Variants in STK33 observed in about 807,000 individuals in gnomAD.
STK33 encodes the protein serine/threonine kinase 33.
In STK33, 52 loss-of-function variants were observed where a neutral mutation model predicts 58.0. The ratio of observed to expected loss-of-function variants is 0.90; its 90% CI spans 0.72 to 1.13. The LOEUF is 1.13. Ranked by LOEUF, STK33 falls within the 50% of genes most tolerant of loss-of-function variation. STK33 has a pLI of 0.00. For synonymous variants in STK33, 215 were observed against 200.1 expected, an observed-to-expected ratio of 1.07 and a Z score of -0.63; for missense variants, 630 against 604.2, an observed-to-expected ratio of 1.04 and a Z score of -0.45.
At chr11:8,345,711 G>A in the STK33 span, among the ~76,000 whole-genome samples, 4 of 152,216 alleles carry the variant, frequency 2.6e-5, no homozygotes, top group African/African-American at 9.6e-5. Context: ...ATGCTGAAGG[G>A]TTCCCCACAG....
At chr11:8,564,622 TACTTTTTG>T (rs1957331664) in intron 1 of STK33, among the ~76,000 whole-genome samples, 1 of 152,164 alleles carries the variant, frequency 6.6e-6, no homozygotes, top group Non-Finnish European at 1.5e-5. Flanking sequence ...ACTTGGGAAA[TACTTTTTG>T]CAGTTAACCA....
intron 15 of STK33, among the ~76,000 whole-genome samples, chr11:8,409,178 T>A (rs1341424800): frequency 6.6e-6 from 1 of 152,156 alleles, no homozygotes; most frequent in Admixed American, 6.5e-5. Context: ...ACTGCAAAAA[T>A]CTCAGTATCT....
At chr11:8,365,335 C>A in the STK33 span, among the ~76,000 whole-genome samples, 1 of 152,180 alleles carries the variant, frequency 6.6e-6, no homozygotes, top group Non-Finnish European at 1.5e-5. Context: ...CTGACGGGGA[C>A]CTTCCCTCCC....
chr11:8,398,412 G>T (rs990684540), intron 15 of STK33, among the ~76,000 whole-genome samples: 1 of 152,176 alleles, frequency 6.6e-6, no homozygotes, highest in African/African-American at 2.4e-5. Context: ...AGCAAATGCT[G>T]AGAGATTTTG....
intron 6 of STK33, among the ~76,000 whole-genome samples, chr11:8,470,572 C>G (rs1948682405): frequency 6.6e-6 from 1 of 152,218 alleles, no homozygotes; most frequent in African/African-American, 2.4e-5. Context: ...AGAGGCCTAG[C>G]TTTCAGCCTA....
chr11:8,556,870 A>G (rs546672597), intron 1 of STK33, among the ~76,000 whole-genome samples: 1 of 152,300 alleles, frequency 6.6e-6, no homozygotes, highest in East Asian at 1.9e-4. Flanking sequence ...GAAGAGAAGA[A>G]CAGATTTTAG....
chr11:8,523,400 A>G (rs71474991), intron 1 of STK33, among the ~76,000 whole-genome samples: 39,406 of 150,074 alleles, frequency 0.26, 5,268 homozygotes, highest in African/African-American at 0.33. Flanking sequence ...GCCTCTGCCC[A>G]GCCGCAACCC....
rs547743349 is a variant in STK33, at chr11:8,401,128, A to C, written c.1345-8418T>G. The stretch of plus-strand genomic sequence containing the variant: ...AATTGGAAAAAACTGCTTTAAAGTT[A>C]ATATGGAACCAAAAAAGAGCCCACA... On this transcript the variant is annotated intron_variant, in intron 15 of 15. Transcript: ENST00000687296. Among the ~76,000 whole-genome samples the C allele has an allele frequency of 9.9e-3, 1,506 of 152,162 alleles. 21 individuals are homozygous for C. The highest frequency in any genetic ancestry group is 0.034 in the African/African-American group (1,398 of 41,484).
intron 14 of STK33, among the ~76,000 whole-genome samples, chr11:8,416,471 G>A (rs537318821): frequency 6.6e-6 from 1 of 152,220 alleles, no homozygotes; most frequent in East Asian, 1.9e-4. Context: ...GAGTTATTAA[G>A]ATTTTGACAA....
chr11:8,374,263 C>T, the STK33 span, among the ~76,000 whole-genome samples: 1,269 of 152,318 alleles, frequency 8.3e-3, 14 homozygotes, highest in African/African-American at 0.021. Context: ...GCTCAGGCCC[C>T]TCCCTAGCTC....
At chr11:8,343,840 T>A in the STK33 span, among the ~76,000 whole-genome samples, 1 of 151,994 alleles carries the variant, frequency 6.6e-6, no homozygotes, top group Non-Finnish European at 1.5e-5. Flanking sequence ...TGGCCTCAGC[T>A]CTCACCCCTC....
At chr11:8,574,023 G>C (rs1591854455) in intron 1 of STK33, among the ~76,000 whole-genome samples, 1 of 152,168 alleles carries the variant, frequency 6.6e-6, no homozygotes, top group Non-Finnish European at 1.5e-5. Flanking sequence ...GGTTACACAA[G>C]ACCTGCCTTG....
chr11:8,578,595 G>C (rs1958348237), intron 1 of STK33, among the ~76,000 whole-genome samples: 1 of 150,950 alleles, frequency 6.6e-6, no homozygotes, highest in Non-Finnish European at 1.5e-5. Flanking sequence ...GTACATTTTT[G>C]TACGTGTAAT....
intron 7 of STK33, among the ~76,000 whole-genome samples, chr11:8,462,442 T>TATAC (rs1554950207): frequency 3.9e-5 from 5 of 128,328 alleles, no homozygotes; most frequent in Middle Eastern, 3.5e-3. Context: ...TATACATATA[T>TATAC]ACACACACAC....
Position 8,497,937 on chromosome 11 carries a change from T to G in STK33, c.-465-17323A>C, listed in dbSNP as rs140533504. Among the ~76,000 whole-genome samples the G allele has an allele frequency of 3.1e-3, 475 of 152,244 alleles. 3 individuals carry two copies. Among genetic ancestry groups the G allele is most frequent in the African/African-American group, 0.011 (456 of 41,546 alleles). Reference sequence around the variant, plus strand: ...CACAACTTTTGTAGACCAATTTCCCTTATGAGTATAAATGCAAAAGTCTCA... The same window carrying G: ...CACAACTTTTGTAGACCAATTTCCCGTATGAGTATAAATGCAAAAGTCTCA... On this transcript the variant is annotated intron_variant, in intron 1 of 15. Transcript: ENST00000687296.
At chr11:8,345,521 A>C in the STK33 span, among the ~76,000 whole-genome samples, 3 of 152,250 alleles carry the variant, frequency 2.0e-5, no homozygotes, top group South Asian at 2.1e-4. Flanking sequence ...GTAATGAAGG[A>C]GACAGGCAGG....
At chr11:8,448,561 G>A (rs546358026) in intron 11 of STK33, among the ~76,000 whole-genome samples, 29 of 152,268 alleles carry the variant, frequency 1.9e-4, no homozygotes, top group African/African-American at 6.5e-4. Flanking sequence ...AAATGGTGCT[G>A]GGAAAACTGG....
chr11:8,557,743 G>GA (rs371460080), intron 1 of STK33, among the ~76,000 whole-genome samples: 3 of 146,590 alleles, frequency 2.0e-5, no homozygotes, highest in South Asian at 4.4e-4. Context: ...CACTGGAGTA[G>GA]AAAAAAACCC....
intron 1 of STK33, among the ~76,000 whole-genome samples, chr11:8,536,200 T>A (rs566866204): frequency 3.1e-4 from 47 of 152,192 alleles, no homozygotes; most frequent in African/African-American, 1.1e-3. Context: ...CAGAGTAGGG[T>A]AATTATAGTT....
Sources: gnomAD v4.1 joint callset for allele counts (sites outside exome capture counted in the v4.1 genomes callset) on GRCh38, gnomAD v4.1.1 for gene constraint, MANE v1.5 for transcripts, NCBI Gene and HGNC (gene_info 2026-07-23, HGNC 2026-07-21) for gene names.